FFAR3: variants seen among roughly 807,000 people sequenced by gnomAD.
FFAR3 encodes G-protein coupled receptor 41.
For missense variants in FFAR3, 136 were observed against 446.5 expected, an observed-to-expected ratio of 0.30 and a Z score of 6.27; for synonymous variants, 68 against 201.1, an observed-to-expected ratio of 0.34 and a Z score of 5.60.
rs753391244 is a variant in FFAR3, at chr19:35,359,070, G to C, written c.180G>C (p.Ser60=). ...VDVLLLNLTA[S]DLLLLLFLPF... ...TGCTCCTGCTCAACCTGACCGCCTC[G>C]GACCTGCTCCTGCTGCTGTTCCTGC... Residue 60 remains serine, a synonymous_variant, in exon 2 of 2, where the codon TCG becomes TCC. Transcript: ENST00000327809. 28 of 1,611,614 alleles carry C rather than the reference G, an allele frequency of 1.7e-5. No individual in the cohort carries two copies. The highest frequency in any genetic ancestry group is 2.0e-5 in the Non-Finnish European group (24 of 1,178,412).
chr19:35,359,188 T>G lies in FFAR3; in HGVS notation c.298T>G (p.Tyr100Asp), dbSNP rs573735043. The change falls in exon 2 of 2, where the codon TAT (tyrosine) becomes GAT (aspartate). Residue 100 changes from tyrosine (Y) to aspartate (D), a missense_variant. Coordinates refer to ENST00000327809, the MANE Select transcript of FFAR3 (RefSeq NM_005304.5). ...TGGATTCATCTTCTTCACCACCATC[T>G]ATCTCACCGCCCTCTTCCTGGCAGC... ...LSGFIFFTTI[Y>D]LTALFLAAVS... 1.3e-6 allele frequency: 2 copies of G among 1,591,998 alleles called. No individual in the cohort carries two copies. Among genetic ancestry groups the G allele is most frequent in the South Asian group, 2.2e-5 (2 of 90,622 alleles).
chr19:35,358,908 C>A lies in FFAR3; in HGVS notation c.18C>A (p.Asp6Glu). 1.3e-6 allele frequency: 2 copies of A among 1,592,626 alleles called. No individual in the cohort carries two copies. Among genetic ancestry groups the A allele is most frequent in the Non-Finnish European group, 1.7e-6 (2 of 1,165,142 alleles). ...CCACCACCATGGATACAGGCCCCGA[C>A]CAGTCCTACTTCTCCGGCAATCACT... The part of the protein sequence containing the change: MDTGP[D>E]QSYFSGNHWF... Residue 6 changes from aspartate (D) to glutamate (E), a missense_variant, in exon 2 of 2, where the codon GAC (aspartate) becomes GAA (glutamate). Transcript: ENST00000327809.
In FFAR3 at chr19:35,359,938, C is replaced by CG. The variant is rs754781021; in HGVS notation, c.*12dup. The CG allele has an allele frequency of 1.3e-6, 2 of 1,503,714 alleles. No homozygotes were observed. The highest frequency in any genetic ancestry group is 2.0e-5 in the Admixed American group (1 of 49,406). 93.1% of individuals were successfully genotyped at this position (1,503,714 alleles called of 1,614,324 possible). A position where few individuals can be genotyped will look rare whatever the true frequency, so the allele number is the denominator to read the frequency against. On this transcript the variant is annotated 3_prime_UTR_variant, in exon 2 of 2. Transcript: ENST00000327809. ...GGCCTGTGCTGAAAGCTAGGTCCTC[C>CG]GGGGGAGGAGGGTGTAGCTGGCATG...
Position 35,359,075 on chromosome 19 carries a change from T to A in FFAR3, c.185T>A (p.Leu62Gln), listed in dbSNP as rs2066978194. 1 of 1,611,552 alleles carries A rather than the reference T, an allele frequency of 6.2e-7. No individual in the cohort carries two copies. Among genetic ancestry groups the A allele is most frequent in the African/African-American group, 1.3e-5 (1 of 74,824 alleles). ...VLLLNLTASDLLLLLFLPFRM... is the reference protein window; with the variant it reads ...VLLLNLTASDQLLLLFLPFRM... ...CTGCTCAACCTGACCGCCTCGGACC[T>A]GCTCCTGCTGCTGTTCCTGCCTTTC... The change falls in exon 2 of 2, where the codon CTG becomes CAG. Residue 62 changes from leucine to glutamine, a missense_variant. Coordinates refer to ENST00000327809, the MANE Select transcript of FFAR3 (RefSeq NM_005304.5).
upstream of FFAR3, chr19:35,358,441 C>G (rs572634896): frequency 8.2e-6 from 9 of 1,100,440 alleles, no homozygotes; most frequent in Non-Finnish European, 1.0e-5. Context: ...GAGGGAGGCA[C>G]GCAGTTGTGG....
rs2066987499 is a variant in FFAR3 at position 35,360,115 on chromosome 19, C to T, written c.*184C>T. 1.8e-6 allele frequency: 1 copy of T among 563,954 alleles called. No individual in the cohort carries two copies. The highest frequency in any genetic ancestry group is 3.3e-6 in the Non-Finnish European group (1 of 306,382). 34.9% of individuals were successfully genotyped at this position (563,954 alleles called of 1,614,324 possible). On this transcript the variant is annotated 3_prime_UTR_variant, in exon 2 of 2. Transcript: ENST00000327809. ...TCGATCTCACCTCCATCCCCATCCA[C>T]CCACACACTATGGATTGGGCTCTGG... is the stretch of plus-strand genomic sequence containing the variant.
rs1476777459 is a variant in FFAR3, at chr19:35,359,977, G to A, written c.*46G>A. ...GTAGCTGGCATGTCATCCTCAGGGC[G>A]CTTCCTCGCTCACGCCAGGAGGGAC... On this transcript the variant is annotated 3_prime_UTR_variant, in exon 2 of 2. Coordinates refer to ENST00000327809, the MANE Select transcript of FFAR3 (RefSeq NM_005304.5). The A allele has an allele frequency of 2.5e-5, 24 of 953,812 alleles. No individual in the cohort carries two copies. The highest frequency in any genetic ancestry group is 3.5e-5 in the Non-Finnish European group (23 of 652,718). The allele number at this position is 953,812 out of a possible 1,614,324, so 59.1% of individuals were successfully genotyped here.
chr19:35,359,991 G>A lies in FFAR3; in HGVS notation c.*60G>A, dbSNP rs376987. 0.2 allele frequency: 158,315 copies of A among 799,976 alleles called. 15,974 individuals carry two copies. Among genetic ancestry groups the A allele is most frequent in the South Asian group, 0.39 (21,309 of 55,002 alleles). 49.6% of individuals were successfully genotyped at this position (799,976 alleles called of 1,614,324 possible). On this transcript the variant is annotated 3_prime_UTR_variant, in exon 2 of 2. Transcript: ENST00000327809. Reference sequence around the variant, plus strand: ...ATCCTCAGGGCGCTTCCTCGCTCACGCCAGGAGGGACTTGGAGTGGCGAGC... The same window carrying A: ...ATCCTCAGGGCGCTTCCTCGCTCACACCAGGAGGGACTTGGAGTGGCGAGC...
Position 35,358,917 on chromosome 19 carries a change from C to T in FFAR3, c.27C>T (p.Tyr9=). ...TGGATACAGGCCCCGACCAGTCCTA[C>T]TTCTCCGGCAATCACTGGTTCGTCT... MDTGPDQS[Y]FSGNHWFVFS... The change falls in exon 2 of 2, where the codon TAC becomes TAT. Residue 9 remains tyrosine, a synonymous_variant. Transcript: ENST00000327809. The T allele has an allele frequency of 6.3e-7, 1 of 1,597,260 alleles. No individual in the cohort carries two copies. The highest frequency in any genetic ancestry group is 8.6e-7 in the Non-Finnish European group (1 of 1,168,190).
upstream of FFAR3, chr19:35,358,376 A>T: frequency 1.4e-6 from 1 of 737,446 alleles, no homozygotes; most frequent in Non-Finnish European, 1.7e-6. Flanking sequence ...GAAGAAGGGG[A>T]GAGGAAGACG....
At position 35,358,981 on chromosome 19, in the gene FFAR3, C is replaced by G. The variant is rs4806132; in HGVS notation, c.91C>G (p.Leu31Val). The change falls in exon 2 of 2, where the codon CTC (leucine) becomes GTC (valine). Residue 31 changes from leucine (L) to valine (V), a missense_variant. Coordinates refer to ENST00000327809, the MANE Select transcript of FFAR3 (RefSeq NM_005304.5). ...YLLTFLVGLPLNLLALVVFVG... is the reference protein window; with the variant it reads ...YLLTFLVGLPVNLLALVVFVG... Reference sequence around the variant, plus strand: ...TCTCACTTTCCTGGTGGGGCTCCCCCTCAACCTGCTGGCCCTGGTGGTCTT... The same window carrying G: ...TCTCACTTTCCTGGTGGGGCTCCCCGTCAACCTGCTGGCCCTGGTGGTCTT... 0.022 allele frequency: 35,622 copies of G among 1,608,964 alleles called. 489 individuals are homozygous for G. The highest frequency in any genetic ancestry group is 0.19 in the East Asian group (8,497 of 44,518).
In FFAR3 at chr19:35,359,990, C is replaced by T. The variant is rs867621852; in HGVS notation, c.*59C>T. On this transcript the variant is annotated 3_prime_UTR_variant, in exon 2 of 2. Coordinates refer to ENST00000327809, the MANE Select transcript of FFAR3 (RefSeq NM_005304.5). ...CATCCTCAGGGCGCTTCCTCGCTCA[C>T]GCCAGGAGGGACTTGGAGTGGCGAG... 2.8e-4 allele frequency: 243 copies of T among 865,340 alleles called. 3 individuals are homozygous for T. The Middle Eastern group carries it at 5.8e-3, about 21-fold the overall frequency. 53.6% of individuals were successfully genotyped at this position (865,340 alleles called of 1,614,324 possible). A position where few individuals can be genotyped will look rare whatever the true frequency, so the allele number is the denominator to read the frequency against.
At chr19:35,358,426 A>C, upstream of FFAR3, 1 of 1,091,736 alleles carries the variant, frequency 9.2e-7, no homozygotes, top group East Asian at 7.4e-5. Context: ...CTGAGACTGC[A>C]TGAGGAGGGA....
In FFAR3 at chr19:35,359,689, C is replaced by T; in HGVS notation, c.799C>T (p.Leu267=). The change falls in exon 2 of 2, where the codon CTG becomes TTG. Residue 267 remains leucine, a synonymous_variant. Coordinates refer to ENST00000327809, the MANE Select transcript of FFAR3 (RefSeq NM_005304.5). The part of the protein sequence containing the change: ...WRIYVTLLST[L]NSCVDPFVYY... ...GATCTACGTGACGCTTCTCAGCACC[C>T]TGAACTCCTGTGTCGACCCCTTTGT... is the stretch of plus-strand genomic sequence containing the variant. 6.2e-7 allele frequency: 1 copy of T among 1,614,058 alleles called. No individual in the cohort carries two copies. Among genetic ancestry groups the T allele is most frequent in the East Asian group, 2.2e-5 (1 of 44,894 alleles).
chr19:35,359,254 T>G lies in FFAR3; in HGVS notation c.364T>G (p.Trp122Gly). 3 of 1,586,476 alleles carry G rather than the reference T, an allele frequency of 1.9e-6. No individual in the cohort carries two copies. The highest frequency in any genetic ancestry group is 2.6e-6 in the Non-Finnish European group (3 of 1,156,294). The part of the protein sequence containing the change: ...ERFLSVAHPL[W>G]YKTRPRLGQA... ...CTTCCTGAGTGTGGCCCACCCACTG[T>G]GGTACAAGACCCGGCCGAGGCTGGG... The change falls in exon 2 of 2, where the codon TGG becomes GGG. Residue 122 changes from tryptophan to glycine, a missense_variant. Coordinates refer to ENST00000327809, the MANE Select transcript of FFAR3 (RefSeq NM_005304.5).
chr19:35,358,874 C>T lies in FFAR3; in HGVS notation c.-11-6C>T, dbSNP rs2066976206. On this transcript the variant is annotated splice_polypyrimidine_tract_variant and splice_region_variant and intron_variant, in intron 1 of 1. Transcript: ENST00000327809. Reference sequence around the variant, plus strand: ...CTACCAACTCCATGTTACTCTCTCTCACCAGTGGCCACCACCATGGATACA... The same window carrying T: ...CTACCAACTCCATGTTACTCTCTCTTACCAGTGGCCACCACCATGGATACA... The T allele has an allele frequency of 6.4e-7, 1 of 1,559,754 alleles. No individual in the cohort carries two copies. The highest frequency in any genetic ancestry group is 1.4e-5 in the African/African-American group (1 of 70,382).
chr19:35,359,056 A>G lies in FFAR3; in HGVS notation c.166A>G (p.Asn56Asp). The change falls in exon 2 of 2, where the codon AAC (asparagine) becomes GAC (aspartate). Residue 56 changes from asparagine (N) to aspartate (D), a missense_variant. Transcript: ENST00000327809. ...RPVAVDVLLL[N>D]LTASDLLLLL... ...GGTGGCCGTGGACGTGCTCCTGCTC[A>G]ACCTGACCGCCTCGGACCTGCTCCT... The G allele has an allele frequency of 6.2e-7, 1 of 1,611,722 alleles. No individual in the cohort carries two copies. The highest frequency in any genetic ancestry group is 8.5e-7 in the Non-Finnish European group (1 of 1,178,376).
chr19:35,358,448 G>C, upstream of FFAR3: 1 of 1,109,978 alleles, frequency 9.0e-7, no homozygotes, highest in Middle Eastern at 4.2e-4. Context: ...GCACGCAGTT[G>C]TGGAATTTGT....
chr19:35,358,789 G>T lies in FFAR3; in HGVS notation c.-11-91G>T, dbSNP rs573573596. 2,001 of 1,162,744 alleles carry T rather than the reference G, an allele frequency of 1.7e-3. 8 individuals carry two copies. The highest frequency in any genetic ancestry group is 2.2e-3 in the Non-Finnish European group (1,785 of 826,002). 72.0% of individuals were successfully genotyped at this position (1,162,744 alleles called of 1,614,324 possible). The stretch of plus-strand genomic sequence containing the variant: ...GCACCCAGAGACAAGAGGGGTGGGC[G>T]TAGTGACCTCGTGCCCTTTTAGGGG... On this transcript the variant is annotated intron_variant, in intron 1 of 1. Coordinates refer to ENST00000327809, the MANE Select transcript of FFAR3 (RefSeq NM_005304.5).
Sources: gnomAD v4.1 joint callset for allele counts on GRCh38, gnomAD v4.1.1 for gene constraint, MANE v1.5 for transcripts, NCBI Gene and HGNC (gene_info 2026-07-23, HGNC 2026-07-21) for gene names.